Variants in LRRTM4 observed in about 807,000 individuals in gnomAD.
The protein encoded by LRRTM4 is leucine-rich repeat transmembrane neuronal protein 4.
A neutral mutation model predicts 47.6 loss-of-function variants in LRRTM4; 25 were observed. That is an observed-to-expected ratio of 0.53 (90% confidence interval 0.38 to 0.73). LRRTM4 has a LOEUF of 0.73. Among genes scored for constraint, LRRTM4 ranks in the 30% least tolerant of loss-of-function variants. The probability of loss-of-function intolerance (pLI) is 0.00; values close to 1 mark genes in which losing one functional copy is unlikely to be tolerated. For synonymous variants in LRRTM4, 311 were observed against 269.5 expected (o/e 1.15, Z -1.51); for missense variants, 638 against 713.4 (o/e 0.89, Z 1.20).
At chr2:76,827,021 G>C (rs1671208930) in intron 3 of LRRTM4, among the ~76,000 whole-genome samples, 1 of 151,866 alleles carries the variant, frequency 6.6e-6, no homozygotes, top group African/African-American at 2.4e-5. Flanking sequence ...CTCGTGAAGA[G>C]AATGTGCTGA....
At chr2:76,794,490 T>C (rs752334109) in intron 3 of LRRTM4, among the ~76,000 whole-genome samples, 1 of 152,198 alleles carries the variant, frequency 6.6e-6, no homozygotes, top group Non-Finnish European at 1.5e-5. Flanking sequence ...ATTTCACTTA[T>C]TACTGGTATA....
chr2:76,793,142 T>G (rs909152513), intron 3 of LRRTM4, among the ~76,000 whole-genome samples: 4 of 152,208 alleles, frequency 2.6e-5, no homozygotes, highest in African/African-American at 9.6e-5. Context: ...TTTAGGCAAG[T>G]AGACCCAGGG....
intron 3 of LRRTM4, among the ~76,000 whole-genome samples, chr2:77,271,695 T>C (rs983433974): frequency 1.3e-5 from 2 of 152,232 alleles, no homozygotes; most frequent in Admixed American, 1.3e-4. Context: ...TCCAGGCTGC[T>C]ACTCAGATTA....
intron 3 of LRRTM4, among the ~76,000 whole-genome samples, chr2:76,918,025 G>C (rs1015602646): frequency 1.8e-4 from 27 of 152,038 alleles, no homozygotes; most frequent in African/African-American, 6.5e-4. Context: ...TCCCCTACTG[G>C]GGCAGGGAAA....
chr2:76,909,216 CA>C (rs1326121155), intron 3 of LRRTM4, among the ~76,000 whole-genome samples: 2 of 152,140 alleles, frequency 1.3e-5, no homozygotes, highest in East Asian at 3.9e-4. Flanking sequence ...TGATCTTTGA[CA>C]AACCTGAGAA....
intron 3 of LRRTM4, among the ~76,000 whole-genome samples, chr2:77,368,621 G>A (rs74697728): frequency 0.015 from 2,200 of 151,686 alleles, 54 homozygotes; most frequent in African/African-American, 0.05. Context: ...ACATTATTTT[G>A]CATTATGTTA....
chr2:77,433,544 A>G (rs534204067), intron 3 of LRRTM4, among the ~76,000 whole-genome samples: 5 of 152,200 alleles, frequency 3.3e-5, no homozygotes, highest in Non-Finnish European at 7.3e-5. Flanking sequence ...AAGTTTGCTT[A>G]TTATGAAGTA....
At chr2:77,251,137 GTATATA>G (rs1431689380) in intron 3 of LRRTM4, among the ~76,000 whole-genome samples, 1 of 141,582 alleles carries the variant, frequency 7.1e-6, no homozygotes, top group East Asian at 2.1e-4. Flanking sequence ...ACATATATAT[GTATATA>G]TATGTGTGTA....
intron 3 of LRRTM4, among the ~76,000 whole-genome samples, chr2:76,829,674 T>C (rs1671279897): frequency 6.6e-6 from 1 of 152,078 alleles, no homozygotes; most frequent in Non-Finnish European, 1.5e-5. Context: ...ACAAGGCTTA[T>C]ATTTAAATTA....
rs566234301 is a variant in LRRTM4 at position 77,136,569 on chromosome 2, C to T, written c.1551+381749G>A. Among the ~76,000 whole-genome samples the T allele has an allele frequency of 1.4e-4, 22 of 152,280 alleles. No individual in the cohort carries two copies. The East Asian group carries it at 4.3e-3, about 29-fold the overall frequency. ...CTGAAAATTCTAAAAATCAGAGCGC[C>T]TCTCCCCTTCCAAAGGAACGCAGCT... is the stretch of plus-strand genomic sequence containing the variant. On this transcript the variant is annotated intron_variant, in intron 3 of 3. Transcript: ENST00000409884.
intron 3 of LRRTM4, among the ~76,000 whole-genome samples, chr2:76,983,980 A>C (rs943359077): frequency 1.3e-5 from 2 of 152,088 alleles, no homozygotes; most frequent in Admixed American, 6.6e-5. Flanking sequence ...CATTCATTAC[A>C]AACAGGCAGA....
chr2:77,459,965 T>C (rs904284866), intron 3 of LRRTM4, among the ~76,000 whole-genome samples: 1 of 150,350 alleles, frequency 6.7e-6, no homozygotes, highest in South Asian at 2.1e-4. Context: ...TGCCATTTCA[T>C]CAAGTCCCAA....
At chr2:77,222,067 C>T (rs1051494422) in intron 3 of LRRTM4, among the ~76,000 whole-genome samples, 6 of 152,108 alleles carry the variant, frequency 3.9e-5, no homozygotes, top group Admixed American at 2.6e-4. Context: ...CAAAACCGCT[C>T]AACTACATGG....
At chr2:76,837,950 G>A (rs953398276) in intron 3 of LRRTM4, among the ~76,000 whole-genome samples, 12 of 151,862 alleles carry the variant, frequency 7.9e-5, no homozygotes, top group Admixed American at 5.9e-4. Flanking sequence ...GTGGGGGTAG[G>A]GGGGAGGGAT....
In LRRTM4 at chr2:77,505,372, G is replaced by T. The variant is rs191183188; in HGVS notation, c.1551+12946C>A. Among the ~76,000 whole-genome samples, 441 of 151,378 alleles carry T rather than the reference G, an allele frequency of 2.9e-3. 3 individuals carry two copies. Among genetic ancestry groups the T allele is most frequent in the African/African-American group, 0.01 (429 of 41,452 alleles). On this transcript the variant is annotated intron_variant, in intron 3 of 3. Transcript: ENST00000409884. ...ACTATATGATAATTGTGATAAATAA[G>T]ATTTTGCTAAAAAACAGTGTTTTCC...
intron 3 of LRRTM4, among the ~76,000 whole-genome samples, chr2:77,350,930 G>A (rs1405984189): frequency 6.6e-6 from 1 of 152,048 alleles, no homozygotes; most frequent in Non-Finnish European, 1.5e-5. Context: ...TTTTTAACTT[G>A]CATTTTAAGT....
At chr2:77,163,462 G>C (rs1321573802) in intron 3 of LRRTM4, among the ~76,000 whole-genome samples, 2 of 152,052 alleles carry the variant, frequency 1.3e-5, no homozygotes, top group Non-Finnish European at 2.9e-5. Context: ...TTCAAATTCA[G>C]GAAATATAGA....
At chr2:77,429,855 C>T (rs544882269) in intron 3 of LRRTM4, among the ~76,000 whole-genome samples, 1 of 152,252 alleles carries the variant, frequency 6.6e-6, no homozygotes, top group South Asian at 2.1e-4. Context: ...TGTTTTAAGT[C>T]AGGAGTTCGA....
At chr2:76,966,534 GCAAA>G (rs1233735578) in intron 3 of LRRTM4, among the ~76,000 whole-genome samples, 2 of 151,296 alleles carry the variant, frequency 1.3e-5, no homozygotes, top group Non-Finnish European at 3.0e-5. Context: ...AACTACGCAA[GCAAA>G]CAAACACAAG....
Sources: allele counts gnomAD v4.1 joint callset (sites outside exome capture counted in the v4.1 genomes callset), GRCh38; gene constraint gnomAD v4.1.1; transcripts MANE v1.5; gene names NCBI Gene and HGNC (gene_info 2026-07-23, HGNC 2026-07-21).